Variants in HCFC1 observed in about 807,000 individuals in gnomAD.
HCFC1 encodes host cell factor C1, also known as host cell factor 1.
A neutral mutation model predicts 105.5 loss-of-function variants in HCFC1; 7 were observed. The observed-to-expected ratio is 0.07, with a 90% CI of 0.04 to 0.12. The LOEUF (loss-of-function observed/expected upper bound fraction) is 0.12. Ranked by LOEUF, HCFC1 falls within the 10% of genes least tolerant of loss-of-function variation. HCFC1 has a pLI of 1.00. For synonymous variants in HCFC1, 918 were observed against 828.1 expected (o/e 1.11, Z -1.86); for missense variants, 1,065 against 1,823.6 (o/e 0.58, Z 7.58).
intron 16 of HCFC1, 71 bp from the exon 17 acceptor site, chrX:153,955,613 A>G: frequency 9.8e-7 from 1 of 1,025,406 alleles, no homozygotes; most frequent in African/African-American, 1.9e-5. Context: ...ACTGTCCTGC[A>G]CTGTCACCAC....
At position 153,950,328 on chromosome X, in the gene HCFC1, G is replaced by A; in HGVS notation, c.5919C>T (p.Tyr1973=). The A allele has an allele frequency of 1.7e-6, 2 of 1,210,666 alleles. No individual in the cohort carries two copies. Among genetic ancestry groups the A allele is most frequent in the East Asian group, 5.9e-5 (2 of 33,825 alleles). Reference sequence around the variant, plus strand: ...GGAAGATGATGGCGGGCTTGGTGGTGTAGTCGATGTGGGCGTTGGAAAGGC... The same window carrying A: ...GGAAGATGATGGCGGGCTTGGTGGTATAGTCGATGTGGGCGTTGGAAAGGC... The part of the protein sequence containing the change: ...SSSLSNAHID[Y]TTKPAIIFRI... Residue 1973 remains tyrosine (Y), a synonymous_variant, in exon 24 of 26, where the codon TAC becomes TAT. Transcript: ENST00000310441.
intron 12 of HCFC1, 25 bp from the exon 13 acceptor site, chrX:153,957,558 A>G (rs2065389781): frequency 9.0e-7 from 1 of 1,105,455 alleles, no homozygotes; most frequent in Non-Finnish European, 1.2e-6. Flanking sequence ...CAGGTGCATG[A>G]GCCGGCATCA....
chrX:153,956,443 G>C (rs201672897), intron 15 of HCFC1, 32 bp from the exon 16 acceptor site: 1 of 1,170,614 alleles, frequency 8.5e-7, no homozygotes, highest in East Asian at 3.0e-5. Context: ...TTGGGCCAAG[G>C]CTGCTGCTGT....
intron 1 of HCFC1, among the ~76,000 whole-genome samples, chrX:153,965,675 C>G (rs1409859809): frequency 8.9e-6 from 1 of 112,281 alleles, no homozygotes; most frequent in African/African-American, 3.2e-5. Context: ...GAACTGAGGC[C>G]CCTCCACATG....
chrX:153,954,601 G>A lies in HCFC1; in HGVS notation c.3798C>T (p.Pro1266=). Residue 1266 remains proline, a synonymous_variant, in exon 17 of 26, where the codon CCC becomes CCT. Transcript: ENST00000310441. ...GGGCTGTCACAGTCACTGTGGTGCT[G>A]GGCGAGCCACCCTGGAGGCTCTCGC... ...PVCESLQGGS[P]STTVTVTALE... 2 of 1,209,673 alleles carry A rather than the reference G, an allele frequency of 1.7e-6. No individual in the cohort carries two copies. The highest frequency in any genetic ancestry group is 2.2e-6 in the Non-Finnish European group (2 of 894,182).
intron 8 of HCFC1, 27 bp downstream of exon 8, chrX:153,959,775 T>G: frequency 8.7e-7 from 1 of 1,148,708 alleles, no homozygotes; most frequent in Non-Finnish European, 1.2e-6. Context: ...CCCCCTACTT[T>G]CAAACGTCCC....
At chrX:153,958,488 C>G (rs2065399100) in intron 10 of HCFC1, 81 bp downstream of exon 10, 2 of 932,942 alleles carry the variant, frequency 2.1e-6, no homozygotes, top group South Asian at 4.6e-5. Context: ...CTGCAGCCCA[C>G]GGTCCAACGG....
chrX:153,949,738 G>GCAGGCGCCCCACCCT, intron 24 of HCFC1, 122 bp from the exon 25 acceptor site: 1 of 628,838 alleles, frequency 1.6e-6, no homozygotes, highest in Non-Finnish European at 2.6e-6. Flanking sequence ...GCTGGCAAGG[G>GCAGGCGCCCCACCCT]TGGGGCGCCT....
At chrX:153,964,473 A>T (rs1185712893) in intron 2 of HCFC1, 105 bp downstream of exon 2, 1 of 964,488 alleles carries the variant, frequency 1.0e-6, no homozygotes, top group Non-Finnish European at 1.4e-6. Flanking sequence ...GCCTTGGCAG[A>T]CTCTCAAGCG....
At chrX:153,965,210 G>A (rs371005368) in intron 1 of HCFC1, among the ~76,000 whole-genome samples, 37 of 110,783 alleles carry the variant, frequency 3.3e-4, no homozygotes, top group African/African-American at 1.1e-3. Flanking sequence ...GATGAGACCC[G>A]GCCTCTGCTC....
intron 1 of HCFC1, 31 bp downstream of exon 1, chrX:153,970,617 G>A (rs1314271199): frequency 1.8e-6 from 2 of 1,115,726 alleles, no homozygotes; most frequent in Non-Finnish European, 2.4e-6. Context: ...GGGAGGGAAA[G>A]AGCCGAAGAC....
intron 4 of HCFC1, among the ~76,000 whole-genome samples, 197 bp from the exon 5 acceptor site, chrX:153,962,503 G>A (rs1569546943): frequency 8.9e-6 from 1 of 112,366 alleles, no homozygotes; most frequent in Non-Finnish European, 1.9e-5. Context: ...GTTTCGACCA[G>A]GCTAGCAATA....
rs377327229 is a variant in HCFC1, at chrX:153,957,102, G to A, written c.2354-42C>T. 2.1e-5 allele frequency: 25 copies of A among 1,182,060 alleles called. No individual in the cohort carries two copies. The South Asian group carries it at 4.0e-4, about 19-fold the overall frequency. ...GGCCCAGGGGAGACAGGCTCTGTGA[G>A]GGCTGCCCCTGCTGCCCCTAGACTA... On this transcript the variant is annotated intron_variant, in intron 13 of 25. Coordinates refer to ENST00000310441, the MANE Select transcript of HCFC1 (RefSeq NM_005334.3).
In HCFC1 at chrX:153,957,020, G is replaced by T; in HGVS notation, c.2394C>A (p.Ile798=). The T allele has an allele frequency of 8.3e-7, 1 of 1,210,141 alleles. No individual in the cohort carries two copies. Among genetic ancestry groups the T allele is most frequent in the Non-Finnish European group, 1.1e-6 (1 of 894,777 alleles). The part of the protein sequence containing the change: ...SSPGIKSPIT[I]ITTKVMTSGT... ...CTGAAGTCATCACCTTGGTGGTGATGATGGTGATGGGGGACTTGATGCCAG... is the reference window on the plus strand; with the variant it reads ...CTGAAGTCATCACCTTGGTGGTGATTATGGTGATGGGGGACTTGATGCCAG... Residue 798 remains isoleucine, a synonymous_variant, in exon 14 of 26, where the codon ATC becomes ATA. Coordinates refer to ENST00000310441, the MANE Select transcript of HCFC1 (RefSeq NM_005334.3).
At chrX:153,958,341 C>T (rs782451099) in intron 10 of HCFC1, 92 bp from the exon 11 acceptor site, 354 of 742,078 alleles carry the variant, frequency 4.8e-4, no homozygotes, top group Middle Eastern at 4.1e-3. Flanking sequence ...GCTCCTGCCT[C>T]AACACTCACC....
In HCFC1 at chrX:153,971,147, G is replaced by A. The variant is rs1252423181; in HGVS notation, c.-307C>T. Reference sequence around the variant, plus strand: ...TCCGGGCGCTCCCGCTTACAAGCTCGGGCGGGAGGCCCTGGGAGCCGCCAT... The same window carrying A: ...TCCGGGCGCTCCCGCTTACAAGCTCAGGCGGGAGGCCCTGGGAGCCGCCAT... On this transcript the variant is annotated 5_prime_UTR_variant, in exon 1 of 26. Coordinates refer to ENST00000310441, the MANE Select transcript of HCFC1 (RefSeq NM_005334.3). 4.1e-5 allele frequency: 14 copies of A among 345,347 alleles called. No individual in the cohort carries two copies. In the East Asian group the frequency reaches 4.2e-4, roughly 10 times the overall value. 28.5% of individuals were successfully genotyped at this position (345,347 alleles called of 1,213,427 possible).
chrX:153,967,906 G>T (rs2065487753), intron 1 of HCFC1, among the ~76,000 whole-genome samples: 1 of 111,465 alleles, frequency 9.0e-6, no homozygotes, highest in South Asian at 3.7e-4. Context: ...GGACAGAGGA[G>T]AGAATGGAGG....
chrX:153,963,691 G>A (rs1233134821), intron 3 of HCFC1, among the ~76,000 whole-genome samples: 1 of 112,827 alleles, frequency 8.9e-6, no homozygotes, highest in African/African-American at 3.2e-5. Context: ...CCCCCGCCAT[G>A]CACACAAAGC....
intron 1 of HCFC1, chrX:153,970,185 G>T: frequency 8.8e-6 from 1 of 113,990 alleles, no homozygotes; most frequent in South Asian, 3.0e-4. Context: ...GGGGAGCTCT[G>T]CCTGCGCCAA....
Sources: gnomAD v4.1 joint callset for allele counts (sites outside exome capture counted in the v4.1 genomes callset) on GRCh38, gnomAD v4.1.1 for gene constraint, MANE v1.5 for transcripts, NCBI Gene and HGNC (gene_info 2026-07-23, HGNC 2026-07-21) for gene names.